KLKB1: variants seen among roughly 807,000 people sequenced by gnomAD.
KLKB1 encodes the protein plasma kallikrein.
Under a neutral mutation model 73.6 loss-of-function variants are expected in KLKB1, and 58 were observed. The observed-to-expected ratio is 0.79, with a 90% CI of 0.64 to 0.98. The LOEUF is 0.98. Ranked by LOEUF, KLKB1 falls within the 50% of genes least tolerant of loss-of-function variation. The probability of loss-of-function intolerance (pLI) is 0.00; values close to 1 mark genes in which losing one functional copy is unlikely to be tolerated. For missense variants in KLKB1, 737 were observed against 763.8 expected (o/e 0.96, Z 0.41); for synonymous variants, 280 against 258.1 (o/e 1.08, Z -0.81).
intron 6 of KLKB1, among the ~76,000 whole-genome samples, chr4:186,247,742 GTC>G (rs1303656441): frequency 1.3e-5 from 2 of 152,252 alleles, no homozygotes; most frequent in East Asian, 1.9e-4. Context: ...TAAATAATGT[GTC>G]TGTTTTACAT....
chr4:186,218,607 T>G (rs940852678), intron 2 of KLKB1, among the ~76,000 whole-genome samples: 2 of 151,538 alleles, frequency 1.3e-5, no homozygotes, highest in South Asian at 2.1e-4. Flanking sequence ...TCAAGCTAAT[T>G]AACATGTCCA....
chr4:186,242,253 T>C (rs1291976765), intron 6 of KLKB1, among the ~76,000 whole-genome samples: 1 of 152,140 alleles, frequency 6.6e-6, no homozygotes, highest in Non-Finnish European at 1.5e-5. Flanking sequence ...TTTTCACTTC[T>C]TTTGTCTTTC....
At chr4:186,242,637 A>T (rs1476219262) in intron 6 of KLKB1, among the ~76,000 whole-genome samples, 1 of 152,202 alleles carries the variant, frequency 6.6e-6, no homozygotes, top group East Asian at 1.9e-4. Context: ...AGAGAAGGAG[A>T]AAAACAGGTG....
In KLKB1 at chr4:186,251,848, TG is replaced by T. The variant is rs1237487661; in HGVS notation, c.1135del (p.Asp379ThrfsTer28). 1 of 1,612,542 alleles carries T rather than the reference TG, an allele frequency of 6.2e-7. No homozygotes were observed. The highest frequency in any genetic ancestry group is 1.3e-5 in the African/African-American group (1 of 74,916). On this transcript the variant is annotated frameshift_variant, in exon 10 of 15. Coordinates refer to ENST00000264690, the MANE Select transcript of KLKB1 (RefSeq NM_000892.5). LOFTEE classifies it high-confidence loss of function. ...SGYSLRLCNT[G>X]DNSVCTTKTS... ...GTTACTCTTTGAGATTGTGTAACAC[TG>T]GGGACAACTCTGGTGAGTAACCTCA...
intron 6 of KLKB1, among the ~76,000 whole-genome samples, chr4:186,238,711 C>A (rs926127843): frequency 6.6e-6 from 1 of 152,142 alleles, no homozygotes; most frequent in African/African-American, 2.4e-5. Context: ...TTGAAAAGGG[C>A]GAGGAAAGAG....
At chr4:186,222,054 A>G (rs1008169444), upstream of KLKB1, among the ~76,000 whole-genome samples, 1 of 152,112 alleles carries the variant, frequency 6.6e-6, no homozygotes, top group Admixed American at 6.6e-5. Flanking sequence ...CTTAAACTCT[A>G]TCTCATCTGT....
At chr4:186,220,987 C>T (rs1737020839) in intron 2 of KLKB1, among the ~76,000 whole-genome samples, 1 of 152,114 alleles carries the variant, frequency 6.6e-6, no homozygotes, top group Non-Finnish European at 1.5e-5. Context: ...CCTCCTTACT[C>T]ATTATTGGTT....
At chr4:186,238,413 A>T in intron 6 of KLKB1, 48 bp downstream of exon 6, 1 of 1,294,542 alleles carries the variant, frequency 7.7e-7, no homozygotes, top group East Asian at 2.3e-5. Flanking sequence ...GTGGAATAGG[A>T]GCCCCCAGAG....
chr4:186,251,791 T>C lies in KLKB1; in HGVS notation c.1074T>C (p.Thr358=). 2 of 1,614,084 alleles carry C rather than the reference T, an allele frequency of 1.2e-6. No individual in the cohort carries two copies. The highest frequency in any genetic ancestry group is 2.2e-5 in the South Asian group (2 of 91,086). The part of the protein sequence containing the change: ...FLRLSMDGSP[T]RIAYGTQGSS... ...GATTATCTATGGATGGTTCTCCAAC[T>C]AGGATTGCGTATGGGACACAAGGGA... Residue 358 remains threonine, a synonymous_variant, in exon 10 of 15, where the codon ACT becomes ACC. Transcript: ENST00000264690.
intron 2 of KLKB1, chr4:186,211,778 G>T (rs1428796190): frequency 6.6e-6 from 1 of 151,894 alleles, no homozygotes; most frequent in Non-Finnish European, 1.5e-5. Flanking sequence ...AGTGGGACCA[G>T]TTATGACAAG....
At chr4:186,215,709 G>A (rs1395258817) in intron 2 of KLKB1, among the ~76,000 whole-genome samples, 1 of 152,056 alleles carries the variant, frequency 6.6e-6, no homozygotes, top group Non-Finnish European at 1.5e-5. Flanking sequence ...GAGTAGCTAG[G>A]ACTACAGGTG....
chr4:186,252,073 G>C lies in KLKB1; in HGVS notation c.1201G>C (p.Glu401Gln), dbSNP rs777274175. 1.4e-5 allele frequency: 23 copies of C among 1,614,010 alleles called. No individual in the cohort carries two copies. In the East Asian group the frequency reaches 4.9e-4, roughly 34 times the overall value. The change falls in exon 11 of 15, where the codon GAG becomes CAG. Residue 401 changes from glutamate (E) to glutamine (Q), a missense_variant. Physicochemically the swap from Glu to Gln is conservative, Grantham distance 29. Transcript: ENST00000264690. Reference protein sequence around the residue: ...IVGGTNSSWGEWPWQVSLQVK... With the variant: ...IVGGTNSSWGQWPWQVSLQVK... ...TGGAGGAACAAACTCTTCTTGGGGAGAGTGGCCCTGGCAGGTGAGCCTGCA... is the reference window on the plus strand; with the variant it reads ...TGGAGGAACAAACTCTTCTTGGGGACAGTGGCCCTGGCAGGTGAGCCTGCA...
intron 4 of KLKB1, among the ~76,000 whole-genome samples, chr4:186,235,890 C>T (rs987764452): frequency 8.6e-5 from 13 of 151,230 alleles, no homozygotes; most frequent in Admixed American, 6.6e-4. Context: ...CCGAGACGGG[C>T]GGATCACGAG....
chr4:186,248,537 T>C (rs1391046468), intron 6 of KLKB1, among the ~76,000 whole-genome samples: 1 of 150,308 alleles, frequency 6.7e-6, no homozygotes, highest in Non-Finnish European at 1.5e-5. Context: ...TTCTATTGTA[T>C]GAATAAAACA....
At chr4:186,220,045 C>T (rs1231701740) in intron 2 of KLKB1, among the ~76,000 whole-genome samples, 1 of 151,996 alleles carries the variant, frequency 6.6e-6, no homozygotes, top group Non-Finnish European at 1.5e-5. Context: ...TTAATGGAAT[C>T]CTTGTTGTGT....
intron 6 of KLKB1, among the ~76,000 whole-genome samples, chr4:186,242,880 A>G (rs960811239): frequency 3.4e-5 from 5 of 149,142 alleles, no homozygotes; most frequent in Admixed American, 2.7e-4. Flanking sequence ...ACTGAATACC[A>G]AGAGCCTGAG....
chr4:186,251,188 T>A, intron 7 of KLKB1, 31 bp from the exon 8 acceptor site: 1 of 1,471,398 alleles, frequency 6.8e-7, no homozygotes, highest in African/African-American at 1.4e-5. Context: ...AATTTCTTTC[T>A]TTCTCTCTTG....
rs1372696539 is a variant in KLKB1 at position 186,258,057 on chromosome 4, G to A, written c.1762G>A (p.Gly588Arg). The change falls in exon 15 of 15, where the codon GGA (glycine) becomes AGA (arginine). Residue 588 changes from glycine (G) to arginine (R), a missense_variant. Gly to Arg is a moderately radical substitution (Grantham distance 125). Transcript: ENST00000264690. ...TGGTCCCTTAGTTTGCAAACACAATGGAATGTGGCGTTTGGTGGGCATCAC... is the reference window on the plus strand; with the variant it reads ...TGGTCCCTTAGTTTGCAAACACAATAGAATGTGGCGTTTGGTGGGCATCAC... ...SGGPLVCKHNGMWRLVGITSW... is the reference protein window; with the variant it reads ...SGGPLVCKHNRMWRLVGITSW... The A allele has an allele frequency of 1.6e-5, 26 of 1,613,924 alleles. No homozygotes were observed. The highest frequency in any genetic ancestry group is 5.0e-5 in the Admixed American group (3 of 59,994).
chr4:186,227,846 T>G (rs1737219119), intron 1 of KLKB1, among the ~76,000 whole-genome samples: 1 of 152,218 alleles, frequency 6.6e-6, no homozygotes, highest in Non-Finnish European at 1.5e-5. Context: ...GGACTGACAT[T>G]ATTGCCATTA....
Sources: allele counts gnomAD v4.1 joint callset (sites outside exome capture counted in the v4.1 genomes callset), GRCh38; gene constraint gnomAD v4.1.1; transcripts MANE v1.5; gene names NCBI Gene and HGNC (gene_info 2026-07-23, HGNC 2026-07-21).